Variants in NRXN3 observed in about 807,000 individuals in gnomAD.
The protein encoded by NRXN3 is neurexin III.
A neutral mutation model predicts 137.6 loss-of-function variants in NRXN3; 32 were observed. The ratio of observed to expected loss-of-function variants is 0.23; its 90% CI spans 0.18 to 0.31. NRXN3 has a LOEUF of 0.31. Among genes scored for constraint, NRXN3 ranks in the 10% least tolerant of loss-of-function variants. NRXN3 has a pLI of 1.00. For synonymous variants in NRXN3, 798 were observed against 784.5 expected, an observed-to-expected ratio of 1.02 and a Z score of -0.29; for missense variants, 1,574 against 2,062.5, an observed-to-expected ratio of 0.76 and a Z score of 4.59.
At chr14:79,254,029 G>A (rs1283479089) in intron 15 of NRXN3, among the ~76,000 whole-genome samples, 2 of 152,120 alleles carry the variant, frequency 1.3e-5, no homozygotes, top group Non-Finnish European at 2.9e-5. Context: ...TAAAACAAAT[G>A]GATCCATCTC....
chr14:79,554,230 G>A (rs2097405027), intron 16 of NRXN3, among the ~76,000 whole-genome samples: 1 of 152,158 alleles, frequency 6.6e-6, no homozygotes, highest in African/African-American at 2.4e-5. Flanking sequence ...CATGTGGTGA[G>A]CACAAACTTG....
intron 15 of NRXN3, among the ~76,000 whole-genome samples, chr14:79,336,429 T>C (rs551377565): frequency 8.3e-4 from 126 of 152,330 alleles, no homozygotes; most frequent in African/African-American, 2.9e-3. Flanking sequence ...AAGCATACTT[T>C]GGTGTCCACA....
chr14:78,817,351 A>C (rs2098936958), intron 10 of NRXN3, among the ~76,000 whole-genome samples: 1 of 152,230 alleles, frequency 6.6e-6, no homozygotes, highest in South Asian at 2.1e-4. Context: ...GCATTAAATT[A>C]CAAATAAGTG....
chr14:78,873,779 C>G (rs1429688947), intron 10 of NRXN3, among the ~76,000 whole-genome samples: 1 of 152,086 alleles, frequency 6.6e-6, no homozygotes, highest in East Asian at 1.9e-4. Flanking sequence ...AGTACAGATT[C>G]TTAGTCTCCT....
intron 4 of NRXN3, among the ~76,000 whole-genome samples, chr14:78,332,451 G>T (rs1287603170): frequency 6.6e-6 from 1 of 151,954 alleles, no homozygotes; most frequent in Non-Finnish European, 1.5e-5. Context: ...GAGTAGCTGG[G>T]ATTACAGGTG....
intron 1 of NRXN3, among the ~76,000 whole-genome samples, chr14:78,216,905 T>G (rs1331358154): frequency 2.0e-5 from 3 of 152,180 alleles, no homozygotes; most frequent in Admixed American, 6.5e-5. Flanking sequence ...CACATGGTTG[T>G]CTTCCCTGTG....
At chr14:79,515,984 C>A (rs1438615771) in intron 16 of NRXN3, among the ~76,000 whole-genome samples, 1 of 152,152 alleles carries the variant, frequency 6.6e-6, no homozygotes, top group African/African-American at 2.4e-5. Flanking sequence ...AAAAGGAGAG[C>A]CAACAGGGAA....
Position 78,938,455 on chromosome 14 carries a change from A to G in NRXN3, c.2276-18787A>G, listed in dbSNP as rs1257268283. 2.6e-5 allele frequency among the ~76,000 whole-genome samples: 4 copies of G among 152,288 alleles called. No homozygotes were observed. In the East Asian group the frequency reaches 7.7e-4, roughly 29 times the overall value. The stretch of plus-strand genomic sequence containing the variant: ...ATTGGGCCACATGAGAGATTATAGA[A>G]TTATGTTGTGATCATGGTGGGCTAT... On this transcript the variant is annotated intron_variant, in intron 10 of 20. Transcript: ENST00000335750.
intron 15 of NRXN3, among the ~76,000 whole-genome samples, chr14:79,005,449 T>A (rs1041970618): frequency 6.6e-6 from 1 of 152,214 alleles, no homozygotes; most frequent in Non-Finnish European, 1.5e-5. Context: ...TCTACGTTGG[T>A]AGTTAGTACT....
chr14:78,983,013 G>A (rs2099493323), intron 14 of NRXN3, among the ~76,000 whole-genome samples: 1 of 152,054 alleles, frequency 6.6e-6, no homozygotes, highest in Admixed American at 6.6e-5. Context: ...ATATGCAGAT[G>A]GCCAACATAT....
chr14:78,961,370 C>A (rs1394497073), intron 11 of NRXN3, among the ~76,000 whole-genome samples: 2 of 152,062 alleles, frequency 1.3e-5, no homozygotes, highest in African/African-American at 4.8e-5. Flanking sequence ...CCCCTCCCCC[C>A]AGAAGTTAGG....
At chr14:78,315,805 A>G (rs1326031930) in intron 4 of NRXN3, among the ~76,000 whole-genome samples, 3 of 152,156 alleles carry the variant, frequency 2.0e-5, no homozygotes, top group Non-Finnish European at 2.9e-5. Flanking sequence ...TTTGATTAAG[A>G]TAATTTTCTT....
chr14:78,806,473 C>G (rs577967936), intron 9 of NRXN3, among the ~76,000 whole-genome samples: 20 of 152,312 alleles, frequency 1.3e-4, no homozygotes, highest in Admixed American at 2.6e-4. Context: ...AAATTAATTT[C>G]AAATGATCAC....
At chr14:79,230,938 T>C (rs145360434) in intron 15 of NRXN3, among the ~76,000 whole-genome samples, 2,800 of 152,282 alleles carry the variant, frequency 0.018, 42 homozygotes, top group South Asian at 0.034. Flanking sequence ...CAAGAGTTAC[T>C]GAGAATGCTT....
chr14:78,845,062 G>GA (rs140882463), intron 10 of NRXN3, among the ~76,000 whole-genome samples: 9,211 of 149,916 alleles, frequency 0.061, 421 homozygotes, highest in South Asian at 0.15. Flanking sequence ...TCACAGGCCT[G>GA]AAAAAAAAAC....
intron 15 of NRXN3, among the ~76,000 whole-genome samples, chr14:79,221,367 C>G (rs111638875): frequency 0.019 from 2,924 of 152,250 alleles, 44 homozygotes; most frequent in Non-Finnish European, 0.027. Flanking sequence ...TACACTCCCC[C>G]CAACAGTGTA....
At chr14:78,946,464 G>T (rs2099365466) in intron 10 of NRXN3, among the ~76,000 whole-genome samples, 1 of 152,192 alleles carries the variant, frequency 6.6e-6, no homozygotes, top group Non-Finnish European at 1.5e-5. Flanking sequence ...TCCCCCAGCA[G>T]ACTCTAAGCT....
intron 16 of NRXN3, among the ~76,000 whole-genome samples, chr14:79,569,029 TA>T (rs777630964): frequency 1.2e-3 from 189 of 151,258 alleles, no homozygotes; most frequent in African/African-American, 4.0e-3. Context: ...CTCTTAGACT[TA>T]AAAAAAAATG....
chr14:79,768,107 G>C (rs2099062633), intron 19 of NRXN3, among the ~76,000 whole-genome samples: 1 of 152,218 alleles, frequency 6.6e-6, no homozygotes, highest in African/African-American at 2.4e-5. Context: ...TCCCTCACCT[G>C]GCTCGGAGGG....
Sources: gnomAD v4.1 joint callset for allele counts (sites outside exome capture counted in the v4.1 genomes callset) on GRCh38, gnomAD v4.1.1 for gene constraint, MANE v1.5 for transcripts, NCBI Gene and HGNC (gene_info 2026-07-23, HGNC 2026-07-21) for gene names.